The following CWH43 variants were observed in gnomAD, a reference collection of about 807,000 sequenced individuals.
CWH43 encodes cell wall biogenesis 43 C-terminal homolog.
A neutral mutation model predicts 85.7 loss-of-function variants in CWH43; 91 were observed. The ratio of observed to expected loss-of-function variants is 1.06; its 90% CI spans 0.90 to 1.26. The LOEUF is 1.26. CWH43 is among the 50% of genes most tolerant of loss of function. The probability of loss-of-function intolerance (pLI) is 0.00; values close to 1 mark genes in which losing one functional copy is unlikely to be tolerated. For synonymous variants in CWH43, 323 were observed against 293.6 expected, an observed-to-expected ratio of 1.10 and a Z score of -1.02; for missense variants, 869 against 839.2, an observed-to-expected ratio of 1.04 and a Z score of -0.44.
At chr4:48,994,939 T>C (rs1430327621) in intron 5 of CWH43, 119 bp downstream of exon 5, 5 of 820,222 alleles carry the variant, frequency 6.1e-6, no homozygotes, top group East Asian at 2.5e-5. Context: ...TCTCCCTAGA[T>C]ATCAGAATGT....
chr4:49,012,777 G>T (rs193073910), intron 8 of CWH43, among the ~76,000 whole-genome samples: 1 of 152,168 alleles, frequency 6.6e-6, no homozygotes. Flanking sequence ...CACTCCAGAC[G>T]TTTGCCTGGG....
intron 15 of CWH43, among the ~76,000 whole-genome samples, chr4:49,054,857 C>A (rs996982888): frequency 2.0e-5 from 3 of 151,754 alleles, no homozygotes; most frequent in Non-Finnish European, 4.4e-5. Context: ...TTGTATCCTG[C>A]AAATTTACTG....
chr4:49,032,067 A>G (rs1017826043), intron 11 of CWH43, among the ~76,000 whole-genome samples: 4 of 152,216 alleles, frequency 2.6e-5, no homozygotes, highest in African/African-American at 9.6e-5. Context: ...AAGGTGACAG[A>G]GAATGCGTCT....
intron 13 of CWH43, among the ~76,000 whole-genome samples, chr4:49,041,225 G>A (rs1295971277): frequency 5.3e-5 from 8 of 152,096 alleles, no homozygotes; most frequent in Non-Finnish European, 1.2e-4. Flanking sequence ...TTGGCAATGC[G>A]GGCTCTTTTT....
chr4:49,008,459 T>C (rs767061294), intron 8 of CWH43, among the ~76,000 whole-genome samples: 4 of 152,248 alleles, frequency 2.6e-5, no homozygotes, highest in Non-Finnish European at 5.9e-5. Flanking sequence ...TCTTTTGCTG[T>C]GCAGAAGCTC....
intron 13 of CWH43, 92 bp from the exon 14 acceptor site, chr4:49,044,694 A>G: frequency 1.1e-6 from 1 of 923,596 alleles, no homozygotes. Flanking sequence ...GTACAAAGAG[A>G]TATTTATCAT....
intron 15 of CWH43, among the ~76,000 whole-genome samples, chr4:49,051,073 GCAT>G (rs1560515920): frequency 6.6e-6 from 1 of 152,098 alleles, no homozygotes; most frequent in Non-Finnish European, 1.5e-5. Flanking sequence ...AAAGTTCACA[GCAT>G]CATCATCATC....
chr4:48,988,395 G>T (rs1475888571), intron 1 of CWH43, 82 bp from the exon 2 acceptor site: 1 of 1,081,646 alleles, frequency 9.2e-7, no homozygotes, highest in Non-Finnish European at 1.3e-6. Flanking sequence ...CAGCCCAAGC[G>T]GCTGGAGTGG....
chr4:48,994,762 G>A lies in CWH43; in HGVS notation c.655G>A (p.Val219Ile). 2 of 1,613,956 alleles carry A rather than the reference G, an allele frequency of 1.2e-6. No homozygotes were observed. The highest frequency in any genetic ancestry group is 1.1e-5 in the South Asian group (1 of 91,036). The change falls in exon 5 of 16, where the codon GTT becomes ATT. Residue 219 changes from valine to isoleucine, a missense_variant. Physicochemically the swap from Val to Ile is conservative, Grantham distance 29. Transcript: ENST00000226432. The part of the protein sequence containing the change: ...THWVFGEVSL[V>I]SRWAVSGHPH... ...CTGGGTTTTTGGAGAAGTCTCTCTT[G>A]TTTCCAGATGGGCAGTGAGTGGGCA...
chr4:49,011,234 C>T (rs1783347899), intron 8 of CWH43, among the ~76,000 whole-genome samples: 1 of 152,060 alleles, frequency 6.6e-6, no homozygotes, highest in African/African-American at 2.4e-5. Flanking sequence ...TATGTAATGG[C>T]CTTCTTTGTC....
intron 13 of CWH43, among the ~76,000 whole-genome samples, chr4:49,044,444 A>G (rs1471864969): frequency 6.6e-6 from 1 of 152,172 alleles, no homozygotes; most frequent in African/African-American, 2.4e-5. Context: ...CAGGATGACC[A>G]ATGAAGGTGC....
chr4:48,995,641 G>A (rs985574431), intron 5 of CWH43, among the ~76,000 whole-genome samples: 20 of 152,172 alleles, frequency 1.3e-4, no homozygotes, highest in African/African-American at 2.6e-4. Flanking sequence ...AGTCCTCCAC[G>A]CATGTTCTTC....
At chr4:49,047,480 G>A (rs1419501925) in intron 14 of CWH43, among the ~76,000 whole-genome samples, 1 of 152,154 alleles carries the variant, frequency 6.6e-6, no homozygotes, top group Non-Finnish European at 1.5e-5. Flanking sequence ...ATATGGAGGT[G>A]GGGTGCAATT....
Position 49,032,551 on chromosome 4 carries a change from T to C in CWH43, c.1509-15T>C. ...ACTGACAATGATGCCCATGTCTCTT[T>C]TCATTCCAATACAGGATTATGGCTT... is the stretch of plus-strand genomic sequence containing the variant. On this transcript the variant is annotated splice_polypyrimidine_tract_variant and intron_variant, in intron 11 of 15. Transcript: ENST00000226432. 6.2e-7 allele frequency: 1 copy of C among 1,613,556 alleles called. No individual in the cohort carries two copies. Among genetic ancestry groups the C allele is most frequent in the Non-Finnish European group, 8.5e-7 (1 of 1,179,546 alleles).
chr4:49,034,982 T>A (rs948392502), intron 12 of CWH43, among the ~76,000 whole-genome samples: 4 of 152,196 alleles, frequency 2.6e-5, no homozygotes, highest in Non-Finnish European at 5.9e-5. Context: ...GCATCTGACA[T>A]GTCCCAAGCA....
At chr4:49,045,386 G>A (rs1784592508) in intron 14 of CWH43, among the ~76,000 whole-genome samples, 1 of 152,076 alleles carries the variant, frequency 6.6e-6, no homozygotes, top group Non-Finnish European at 1.5e-5. Context: ...TGATATACTT[G>A]GATAATACAT....
At chr4:49,010,759 G>A (rs1193265585) in intron 8 of CWH43, among the ~76,000 whole-genome samples, 1 of 152,198 alleles carries the variant, frequency 6.6e-6, no homozygotes, top group Non-Finnish European at 1.5e-5. Context: ...GGAGCAGGTT[G>A]TTCGGTTTCC....
intron 1 of CWH43, among the ~76,000 whole-genome samples, chr4:48,987,709 T>G (rs1349066064): frequency 1.3e-5 from 2 of 152,170 alleles, no homozygotes; most frequent in Non-Finnish European, 2.9e-5. Flanking sequence ...TAATTATCAT[T>G]ATTGCTCAAG....
At chr4:48,988,111 G>T (rs990949823) in intron 1 of CWH43, among the ~76,000 whole-genome samples, 17 of 152,182 alleles carry the variant, frequency 1.1e-4, no homozygotes, top group Admixed American at 9.2e-4. Context: ...ATCCTCTACT[G>T]GGGCCTGATG....
Sources: gnomAD v4.1 joint callset for allele counts (sites outside exome capture counted in the v4.1 genomes callset) on GRCh38, gnomAD v4.1.1 for gene constraint, MANE v1.5 for transcripts, NCBI Gene and HGNC (gene_info 2026-07-23, HGNC 2026-07-21) for gene names.